CDH12: variants seen among roughly 807,000 people sequenced by gnomAD.
CDH12 encodes cadherin 12.
CDH12 carries 41 observed loss-of-function variants against 74.1 expected under a neutral mutation model. The ratio of observed to expected loss-of-function variants is 0.55; its 90% CI spans 0.43 to 0.72. The LOEUF (loss-of-function observed/expected upper bound fraction) is 0.72, where lower values mean the gene tolerates loss of function less well. Among genes scored for constraint, CDH12 ranks in the 30% least tolerant of loss-of-function variants. CDH12 has a pLI of 0.00. For missense variants in CDH12, 945 were observed against 977.2 expected (o/e 0.97, Z 0.44); for synonymous variants, 399 against 355.0 (o/e 1.12, Z -1.39).
chr5:22,257,112 A>G (rs1753344940), intron 3 of CDH12, among the ~76,000 whole-genome samples: 1 of 152,182 alleles, frequency 6.6e-6, no homozygotes, highest in Non-Finnish European at 1.5e-5. Flanking sequence ...TATAAGTAGG[A>G]GCTAAATGAT....
At chr5:22,543,773 A>G (rs1280698774) in intron 1 of CDH12, among the ~76,000 whole-genome samples, 12 of 152,194 alleles carry the variant, frequency 7.9e-5, no homozygotes, top group Non-Finnish European at 1.8e-4. Context: ...CTAGAGTCCT[A>G]TGGTAGGTAC....
At chr5:22,225,657 T>C (rs1364523824) in intron 3 of CDH12, among the ~76,000 whole-genome samples, 2 of 152,098 alleles carry the variant, frequency 1.3e-5, no homozygotes, top group Non-Finnish European at 2.9e-5. Context: ...TTTGGCATGC[T>C]TTGGTTATGA....
chr5:22,586,699 T>A (rs1000375312), intron 1 of CDH12, among the ~76,000 whole-genome samples: 1 of 151,994 alleles, frequency 6.6e-6, no homozygotes, highest in Non-Finnish European at 1.5e-5. Context: ...TGAAATATAT[T>A]TTTTACTGTA....
At chr5:22,078,306 G>A (rs1742472822) in intron 5 of CDH12, 140 bp downstream of exon 5, 6 of 688,124 alleles carry the variant, frequency 8.7e-6, no homozygotes, top group Non-Finnish European at 1.5e-5. Context: ...GAGTCAGGAA[G>A]ATAAACCAGG....
chr5:22,229,889 C>G (rs1752326715), intron 3 of CDH12, among the ~76,000 whole-genome samples: 1 of 151,958 alleles, frequency 6.6e-6, no homozygotes, highest in African/African-American at 2.4e-5. Context: ...ACAGGGTAGA[C>G]ACTTACACAT....
chr5:21,764,583 AG>A (rs1290216196), intron 12 of CDH12, among the ~76,000 whole-genome samples: 1 of 144,324 alleles, frequency 6.9e-6, no homozygotes, highest in Non-Finnish European at 1.5e-5. Flanking sequence ...CAGGAGGCAG[AG>A]GTTGCAGTGA....
intron 4 of CDH12, among the ~76,000 whole-genome samples, chr5:22,136,796 G>A (rs9654383): frequency 0.19 from 28,713 of 149,590 alleles, 3,652 homozygotes; most frequent in African/African-American, 0.36. Context: ...TGCTGATACC[G>A]TAATCAGATA....
At chr5:22,252,107 A>G (rs573174211) in intron 3 of CDH12, among the ~76,000 whole-genome samples, 2 of 152,158 alleles carry the variant, frequency 1.3e-5, no homozygotes, top group Non-Finnish European at 2.9e-5. Context: ...TGCATAAACA[A>G]TTTTCTTGGT....
intron 5 of CDH12, among the ~76,000 whole-genome samples, chr5:22,042,793 G>T (rs1739659622): frequency 6.6e-6 from 1 of 151,184 alleles, no homozygotes; most frequent in South Asian, 2.1e-4. Context: ...AGGAGGCAGA[G>T]GTAGGAGGAC....
At chr5:22,227,147 C>T (rs1022144214) in intron 3 of CDH12, among the ~76,000 whole-genome samples, 2 of 152,062 alleles carry the variant, frequency 1.3e-5, no homozygotes, top group Admixed American at 6.6e-5. Flanking sequence ...AGAAAGACTT[C>T]CTAATTGCAT....
intron 1 of CDH12, among the ~76,000 whole-genome samples, chr5:22,696,530 G>A (rs1037083761): frequency 1.1e-4 from 17 of 152,052 alleles, no homozygotes; most frequent in African/African-American, 4.1e-4. Context: ...ATTAATACAT[G>A]TTTTTAATAC....
chr5:22,593,775 G>A (rs893128649), intron 1 of CDH12, among the ~76,000 whole-genome samples: 1 of 152,158 alleles, frequency 6.6e-6, no homozygotes, highest in Non-Finnish European at 1.5e-5. Context: ...GATAATATAT[G>A]CAGGTATTTG....
chr5:22,507,186 T>C (rs773044981), intron 1 of CDH12, among the ~76,000 whole-genome samples: 16 of 152,102 alleles, frequency 1.1e-4, no homozygotes, highest in Non-Finnish European at 1.6e-4. Flanking sequence ...CCAAATGCCA[T>C]AGACTGCAAC....
chr5:22,685,585 C>A (rs1741742689), intron 1 of CDH12, among the ~76,000 whole-genome samples: 1 of 152,166 alleles, frequency 6.6e-6, no homozygotes, highest in Non-Finnish European at 1.5e-5. Flanking sequence ...TACTGAGCAA[C>A]CATTAATTTG....
intron 4 of CDH12, among the ~76,000 whole-genome samples, chr5:22,196,849 G>A (rs574320263): frequency 3.9e-5 from 6 of 152,150 alleles, no homozygotes; most frequent in East Asian, 1.9e-4. Context: ...TATTTCATGC[G>A]ATAGATCTTG....
At chr5:22,578,432 C>A (rs1362429442) in intron 1 of CDH12, among the ~76,000 whole-genome samples, 1 of 151,766 alleles carries the variant, frequency 6.6e-6, no homozygotes, top group Non-Finnish European at 1.5e-5. Context: ...AGTAATCGAG[C>A]AAGTATTCTG....
intron 1 of CDH12, among the ~76,000 whole-genome samples, chr5:22,708,913 C>G (rs1382933243): frequency 1.3e-5 from 2 of 152,120 alleles, no homozygotes; most frequent in African/African-American, 4.8e-5. Flanking sequence ...CCACTGAAAG[C>G]GCCGCCACCC....
intron 1 of CDH12, among the ~76,000 whole-genome samples, chr5:22,660,598 T>C (rs1740297083): frequency 6.6e-6 from 1 of 152,178 alleles, no homozygotes; most frequent in Admixed American, 6.5e-5. Context: ...TTTTAATCTT[T>C]GTAAAGATGA....
intron 6 of CDH12, among the ~76,000 whole-genome samples, chr5:21,904,049 A>C (rs1006937162): frequency 6.6e-6 from 1 of 152,166 alleles, no homozygotes; most frequent in Non-Finnish European, 1.5e-5. Context: ...ATTTCCAACC[A>C]TCAGGGATCT....
Sources: gnomAD v4.1 joint callset for allele counts (sites outside exome capture counted in the v4.1 genomes callset) on GRCh38, gnomAD v4.1.1 for gene constraint, MANE v1.5 for transcripts, NCBI Gene and HGNC (gene_info 2026-07-23, HGNC 2026-07-21) for gene names.